RAB10: variants seen among roughly 807,000 people sequenced by gnomAD.
RAB10 encodes ras-related protein Rab-10.
A neutral mutation model predicts 25.7 loss-of-function variants in RAB10; 5 were observed. That is an observed-to-expected ratio of 0.19 (90% confidence interval 0.10 to 0.41). The LOEUF (loss-of-function observed/expected upper bound fraction) is 0.41, where lower values mean the gene tolerates loss of function less well. RAB10 is among the 10% of genes least tolerant of loss of function. The probability of loss-of-function intolerance (pLI) is 1.00; values close to 1 mark genes in which losing one functional copy is unlikely to be tolerated. For synonymous variants in RAB10, 89 were observed against 86.4 expected, an observed-to-expected ratio of 1.03 and a Z score of -0.16; for missense variants, 103 against 245.8, an observed-to-expected ratio of 0.42 and a Z score of 3.89.
chr2:26,092,102 G>T (rs1667118607), intron 1 of RAB10, among the ~76,000 whole-genome samples: 1 of 151,724 alleles, frequency 6.6e-6, no homozygotes, highest in South Asian at 2.1e-4. Flanking sequence ...AACTTGGAAG[G>T]CAGAGGTTGC....
At chr2:26,076,740 T>G (rs1666743645) in intron 1 of RAB10, among the ~76,000 whole-genome samples, 1 of 151,852 alleles carries the variant, frequency 6.6e-6, no homozygotes, top group South Asian at 2.1e-4. Flanking sequence ...GGTCAGGAGT[T>G]CAAGACCAGC....
At chr2:26,052,562 A>G (rs1229431122) in intron 1 of RAB10, among the ~76,000 whole-genome samples, 1 of 151,506 alleles carries the variant, frequency 6.6e-6, no homozygotes. Context: ...CTCCAGAGAA[A>G]GACTCAGATC....
intron 2 of RAB10, among the ~76,000 whole-genome samples, chr2:26,104,675 T>C (rs1216324681): frequency 6.6e-6 from 1 of 152,126 alleles, no homozygotes; most frequent in Admixed American, 6.6e-5. Context: ...GACCCCTATG[T>C]TTTCTTCTAA....
intron 1 of RAB10, among the ~76,000 whole-genome samples, chr2:26,043,885 A>G (rs936781923): frequency 6.6e-6 from 1 of 152,252 alleles, no homozygotes; most frequent in Non-Finnish European, 1.5e-5. Flanking sequence ...AATGTTTGAA[A>G]TGCATGAAAA....
chr2:26,125,723 TTTG>T (rs1472074093), intron 3 of RAB10, among the ~76,000 whole-genome samples: 1 of 152,082 alleles, frequency 6.6e-6, no homozygotes, highest in Non-Finnish European at 1.5e-5. Flanking sequence ...GCTGTCATTT[TTTG>T]TTGTTGTTAG....
In RAB10 at chr2:26,092,675, C is replaced by T. The variant is rs955490248; in HGVS notation, c.128-5987C>T. On this transcript the variant is annotated intron_variant, in intron 1 of 5. Coordinates refer to ENST00000264710, the MANE Select transcript of RAB10 (RefSeq NM_016131.5). ...CTAGTTTCCATGCCAGGGGGTTTAG[C>T]GCTTTCAGATTGTATCCTTATTTCA... 3.3e-5 allele frequency among the ~76,000 whole-genome samples: 5 copies of T among 152,034 alleles called. No individual in the cohort carries two copies. The East Asian group carries it at 5.8e-4, about 18-fold the overall frequency.
intron 1 of RAB10, among the ~76,000 whole-genome samples, chr2:26,060,569 T>G (rs1174764345): frequency 6.6e-6 from 1 of 152,216 alleles, no homozygotes; most frequent in Non-Finnish European, 1.5e-5. Flanking sequence ...ATTATAGGCA[T>G]GAGCCAACGT....
chr2:26,072,166 C>T lies in RAB10; in HGVS notation c.128-26496C>T, dbSNP rs567134470. Among the ~76,000 whole-genome samples the T allele has an allele frequency of 2.0e-5, 3 of 152,120 alleles. No individual in the cohort carries two copies. The South Asian group carries it at 6.2e-4, about 32-fold the overall frequency. The stretch of plus-strand genomic sequence containing the variant: ...GGGTGCGGTGGCTCACGCCTGTAAT[C>T]CCAGCACTTTGGGAGGCCGAGGCGG... On this transcript the variant is annotated intron_variant, in intron 1 of 5. Coordinates refer to ENST00000264710, the MANE Select transcript of RAB10 (RefSeq NM_016131.5).
intron 3 of RAB10, among the ~76,000 whole-genome samples, chr2:26,114,769 G>A (rs900524234): frequency 1.4e-5 from 2 of 146,254 alleles, no homozygotes; most frequent in African/African-American, 5.5e-5. Context: ...GTCGGGTATG[G>A]TGGTATGCAC....
intron 5 of RAB10, among the ~76,000 whole-genome samples, chr2:26,130,185 A>G (rs1477495163): frequency 6.6e-6 from 1 of 152,242 alleles, no homozygotes; most frequent in Non-Finnish European, 1.5e-5. Flanking sequence ...ATAGTCTTTC[A>G]CAATTGAGTT....
chr2:26,073,877 G>A (rs961545353), intron 1 of RAB10, among the ~76,000 whole-genome samples: 4 of 151,454 alleles, frequency 2.6e-5, no homozygotes, highest in African/African-American at 9.8e-5. Context: ...TTTCTAGGCA[G>A]TTAGTTGATC....
chr2:26,075,973 T>G lies in RAB10; in HGVS notation c.128-22689T>G, dbSNP rs1666723675. Among the ~76,000 whole-genome samples, 4 of 151,596 alleles carry G rather than the reference T, an allele frequency of 2.6e-5. No individual in the cohort carries two copies. In the South Asian group the frequency reaches 8.3e-4, roughly 32 times the overall value. ...TACAGTTTGGGCTGGATCAGGGAGG[T>G]GTATCAATAAGGGCAGGCCAAAAAG... is the stretch of plus-strand genomic sequence containing the variant. On this transcript the variant is annotated intron_variant, in intron 1 of 5. Transcript: ENST00000264710.
intron 1 of RAB10, among the ~76,000 whole-genome samples, chr2:26,054,844 G>A (rs891537239): frequency 1.3e-4 from 20 of 152,100 alleles, no homozygotes; most frequent in African/African-American, 4.6e-4. Context: ...AACCAAGTCT[G>A]ATGGCACACG....
intron 1 of RAB10, among the ~76,000 whole-genome samples, chr2:26,072,439 A>G (rs1310602558): frequency 6.6e-6 from 1 of 151,798 alleles, no homozygotes; most frequent in African/African-American, 2.4e-5. Context: ...AATAATAATA[A>G]TAAAAATAAT....
chr2:26,073,407 T>G (rs1170450252), intron 1 of RAB10, among the ~76,000 whole-genome samples: 1 of 152,344 alleles, frequency 6.6e-6, no homozygotes, highest in East Asian at 1.9e-4. Context: ...GTAAAACTAT[T>G]GGGCTATTGC....
intron 1 of RAB10, among the ~76,000 whole-genome samples, chr2:26,088,391 A>G (rs1448142722): frequency 1.3e-5 from 2 of 152,218 alleles, no homozygotes; most frequent in Non-Finnish European, 2.9e-5. Context: ...GTGTTTTTAC[A>G]TAAGCAAAAC....
At position 26,034,203 on chromosome 2, in the gene RAB10, T is replaced by C; in HGVS notation, c.-406T>C. 1 of 430,032 alleles carries C rather than the reference T, an allele frequency of 2.3e-6. No homozygotes were observed. Among genetic ancestry groups the C allele is most frequent in the Non-Finnish European group, 4.1e-6 (1 of 243,086 alleles). The allele number at this position is 430,032 out of a possible 1,614,324, so 26.6% of individuals were successfully genotyped here. On this transcript the variant is annotated 5_prime_UTR_variant, in exon 1 of 6. Transcript: ENST00000264710. ...CGTCGACTTAGGGGTCCTTCTTCGCTGCCCTCGCCGCGTGCTAGCAGGGAG... is the reference window on the plus strand; with the variant it reads ...CGTCGACTTAGGGGTCCTTCTTCGCCGCCCTCGCCGCGTGCTAGCAGGGAG...
chr2:26,041,037 CT>C (rs888112921), intron 1 of RAB10, among the ~76,000 whole-genome samples: 79 of 144,936 alleles, frequency 5.5e-4, no homozygotes, highest in Middle Eastern at 3.7e-3. Context: ...AAATCTTTGT[CT>C]TTTTTTTTTT....
intron 1 of RAB10, among the ~76,000 whole-genome samples, chr2:26,063,675 A>G (rs568316955): frequency 4.6e-5 from 7 of 152,354 alleles, no homozygotes; most frequent in Non-Finnish European, 7.3e-5. Flanking sequence ...CTAGAGTTCA[A>G]TTCAGGATCA....
Sources: gnomAD v4.1 joint callset for allele counts (sites outside exome capture counted in the v4.1 genomes callset) on GRCh38, gnomAD v4.1.1 for gene constraint, MANE v1.5 for transcripts, NCBI Gene and HGNC (gene_info 2026-07-23, HGNC 2026-07-21) for gene names.